The following ATAD3A variants were observed in gnomAD, a reference collection of about 807,000 sequenced individuals.
The protein encoded by ATAD3A is ATPase family AAA domain containing 3A.
In ATAD3A, 46 loss-of-function variants were observed where a neutral mutation model predicts 73.8. The ratio of observed to expected loss-of-function variants is 0.62; its 90% CI spans 0.49 to 0.80. The LOEUF (loss-of-function observed/expected upper bound fraction) is 0.80, where lower values mean the gene tolerates loss of function less well. Ranked by LOEUF, ATAD3A falls within the 30% of genes least tolerant of loss-of-function variation. The pLI, the probability that ATAD3A is intolerant of heterozygous loss-of-function variation, is 0.00. For synonymous variants in ATAD3A, 319 were observed against 350.0 expected, an observed-to-expected ratio of 0.91 and a Z score of 0.99; for missense variants, 705 against 838.0, an observed-to-expected ratio of 0.84 and a Z score of 1.96.
At chr1:1,527,103 C>T in intron 13 of ATAD3A, 1 of 1,216,334 alleles carries the variant, frequency 8.2e-7, no homozygotes, top group Non-Finnish European at 1.1e-6. Context: ...GGCCAGGCTC[C>T]CTAGTCCCTC....
chr1:1,524,857 GT>G (rs1362990477), intron 11 of ATAD3A, among the ~76,000 whole-genome samples: 2 of 151,160 alleles, frequency 1.3e-5, no homozygotes, highest in African/African-American at 4.9e-5. Flanking sequence ...GGCCTCGGCT[GT>G]CCTCGTTGGA....
chr1:1,526,337 G>A, intron 12 of ATAD3A, 124 bp from the exon 13 acceptor site: 1 of 1,554,096 alleles, frequency 6.4e-7, no homozygotes, highest in East Asian at 2.3e-5. Flanking sequence ...GCTTTTGAGA[G>A]TAGATCCATG....
At chr1:1,519,121 G>A (rs1329456618) in intron 5 of ATAD3A, 131 bp downstream of exon 5, 4 of 1,558,762 alleles carry the variant, frequency 2.6e-6, no homozygotes, top group South Asian at 2.4e-5. Flanking sequence ...GCCTGCTGGG[G>A]CTCCGCGGGG....
rs549678655 is a variant in ATAD3A, at chr1:1,520,211, G to A, written c.585G>A (p.Ala195=). The A allele has an allele frequency of 1.9e-5, 30 of 1,612,062 alleles. No individual in the cohort carries two copies. The highest frequency in any genetic ancestry group is 6.6e-5 in the South Asian group (6 of 91,010). The change falls in exon 6 of 16, where the codon GCG becomes GCA. Residue 195 remains alanine (A), a synonymous_variant. Coordinates refer to ENST00000378756, the MANE Select transcript of ATAD3A (RefSeq NM_001170535.3). The surrounding 1 kb of genome is among the most constrained non-coding windows in gnomAD (Gnocchi z 4.0). Reference sequence around the variant, plus strand: ...TGCGAGTGGAGGCCGAGGCCCGGGCGCGCGCCAAGGCCGAGCGGGAGAATG... The same window carrying A: ...TGCGAGTGGAGGCCGAGGCCCGGGCACGCGCCAAGGCCGAGCGGGAGAATG... ...EMLRVEAEAR[A]RAKAERENAD... is the part of the protein sequence containing the mutation.
intron 14 of ATAD3A, 25 bp downstream of exon 14, chr1:1,527,887 CCGT>C: frequency 6.2e-7 from 1 of 1,605,444 alleles, no homozygotes. Context: ...CCACCAGCCC[CCGT>C]CCAGGGGCCC....
At chr1:1,533,793 G>T in intron 15 of ATAD3A, 133 bp from the exon 16 acceptor site, 1 of 1,286,544 alleles carries the variant, frequency 7.8e-7, no homozygotes, top group Non-Finnish European at 1.0e-6. Context: ...GCCGAGGTGC[G>T]GGAAGCCTGT....
chr1:1,520,249 G>A lies in ATAD3A; in HGVS notation c.623G>A (p.Arg208His), dbSNP rs776584627. The A allele has an allele frequency of 6.8e-6, 11 of 1,612,866 alleles. No individual in the cohort carries two copies. Among genetic ancestry groups the A allele is most frequent in the South Asian group, 1.1e-5 (1 of 91,050 alleles). Reference protein sequence around the residue: ...KAERENADIIREQIRLKAAEH... With the variant: ...KAERENADIIHEQIRLKAAEH... ...GAGCGGGAGAATGCAGACATCATCC[G>A]CGAGCAGATCCGCCTGAAGGCGGCC... Residue 208 changes from arginine (R) to histidine (H), a missense_variant, in exon 6 of 16, where the codon CGC becomes CAC. Transcript: ENST00000378756. The surrounding 1 kb of genome is among the most constrained non-coding windows in gnomAD (Gnocchi z 4.0).
chr1:1,527,159 A>G, intron 13 of ATAD3A: 1 of 1,302,406 alleles, frequency 7.7e-7, no homozygotes, highest in Non-Finnish European at 1.0e-6. Context: ...GGGCCCCTCC[A>G]GCCCCAGTCA....
intron 14 of ATAD3A, 141 bp downstream of exon 14, chr1:1,528,003 A>G: frequency 9.2e-7 from 1 of 1,083,268 alleles, no homozygotes; most frequent in Non-Finnish European, 1.3e-6. Context: ...CTTGTCGCCC[A>G]GGCTGGAGTG....
intron 4 of ATAD3A, among the ~76,000 whole-genome samples, chr1:1,518,629 C>CCCCA (rs1557460804): frequency 1.4e-4 from 13 of 93,468 alleles, no homozygotes; most frequent in Non-Finnish European, 2.5e-4. Context: ...ACACCCCCCC[C>CCCCA]CACAGGCACG....
chr1:1,532,105 T>C (rs1987191), intron 15 of ATAD3A, among the ~76,000 whole-genome samples: 33,603 of 152,122 alleles, frequency 0.22, 8,217 homozygotes, highest in African/African-American at 0.59. Context: ...GATTGATTTT[T>C]GTACGTTGAA....
chr1:1,523,463 G>C lies in ATAD3A; in HGVS notation c.907-48G>C, dbSNP rs113675974. 4.4e-6 allele frequency: 7 copies of C among 1,600,104 alleles called. No individual in the cohort carries two copies. The highest frequency in any genetic ancestry group is 6.0e-6 in the Non-Finnish European group (7 of 1,173,624). On this transcript the variant is annotated intron_variant, in intron 8 of 15. Coordinates refer to ENST00000378756, the MANE Select transcript of ATAD3A (RefSeq NM_001170535.3). The surrounding 1 kb of genome is among the most constrained non-coding windows in gnomAD (Gnocchi z 5.1). ...GTGTGTGCGCGTTGGTGGCTGTTCC[G>C]TGGCTGTGGCAGGTGACCCGATGGC...
intron 15 of ATAD3A, among the ~76,000 whole-genome samples, chr1:1,531,946 C>T (rs994833689): frequency 7.2e-5 from 11 of 152,026 alleles, no homozygotes; most frequent in Non-Finnish European, 1.3e-4. Flanking sequence ...CCACCATGCA[C>T]GGCATCTTGA....
chr1:1,525,422 T>TG, intron 12 of ATAD3A, 131 bp downstream of exon 12: 1 of 1,280,446 alleles, frequency 7.8e-7, no homozygotes, highest in East Asian at 2.4e-5. Flanking sequence ...GCTTTTTTTT[T>TG]TTTTTTTTTT....
chr1:1,525,396 C>G, intron 12 of ATAD3A, 105 bp downstream of exon 12: 3 of 1,252,682 alleles, frequency 2.4e-6, no homozygotes, highest in Non-Finnish European at 3.4e-6. Context: ...TCTCTGTAAG[C>G]TTTGTGTGAA....
intron 15 of ATAD3A, among the ~76,000 whole-genome samples, chr1:1,532,043 C>A (rs912967528): frequency 6.6e-6 from 1 of 152,158 alleles, no homozygotes; most frequent in African/African-American, 2.4e-5. Flanking sequence ...TTCCTCCACT[C>A]GGCTAATATT....
intron 11 of ATAD3A, 90 bp downstream of exon 11, chr1:1,524,487 CCTGT>C: frequency 7.9e-7 from 1 of 1,266,424 alleles, no homozygotes; most frequent in Non-Finnish European, 1.1e-6. Flanking sequence ...TCTTGGGGAC[CCTGT>C]CTTTCTGCAG....
In ATAD3A at chr1:1,520,062, C is replaced by T. The variant is rs1570330972; in HGVS notation, c.515-79C>T. The T allele has an allele frequency of 2.6e-6, 4 of 1,539,852 alleles. No homozygotes were observed. The highest frequency in any genetic ancestry group is 1.2e-5 in the South Asian group (1 of 82,934). ...GTCCGTGGCGTGGGCCGGTCCGTGGCGTGGGCCGGTCCACAGTGTGGGTGG... is the reference window on the plus strand; with the variant it reads ...GTCCGTGGCGTGGGCCGGTCCGTGGTGTGGGCCGGTCCACAGTGTGGGTGG... On this transcript the variant is annotated intron_variant, in intron 5 of 15. Transcript: ENST00000378756. The surrounding 1 kb of genome is among the most constrained non-coding windows in gnomAD (Gnocchi z 4.0).
intron 15 of ATAD3A, among the ~76,000 whole-genome samples, chr1:1,531,068 G>T (rs1557480338): frequency 6.6e-6 from 1 of 152,108 alleles, no homozygotes; most frequent in Non-Finnish European, 1.5e-5. Context: ...TGAGCCAGGA[G>T]AATCTCTTGA....
Sources: gnomAD v4.1 joint callset for allele counts (sites outside exome capture counted in the v4.1 genomes callset) on GRCh38, gnomAD v4.1.1 for gene constraint, Gnocchi (gnomAD v3.1) non-coding constraint, MANE v1.5 for transcripts, NCBI Gene and HGNC (gene_info 2026-07-23, HGNC 2026-07-21) for gene names.